The following PARD3B variants were observed in gnomAD, a reference collection of about 807,000 sequenced individuals.
The protein encoded by PARD3B is par-3 family cell polarity regulator beta, also known as partitioning defective 3 homolog B.
PARD3B carries 103 observed loss-of-function variants against 130.2 expected under a neutral mutation model. The observed-to-expected ratio is 0.79, with a 90% CI of 0.67 to 0.93. PARD3B has a LOEUF of 0.93. Among genes scored for constraint, PARD3B ranks in the 40% least tolerant of loss-of-function variants. The pLI is 0.00. For synonymous variants in PARD3B, 583 were observed against 553.2 expected, an observed-to-expected ratio of 1.05 and a Z score of -0.76; for missense variants, 1,609 against 1,499.2, an observed-to-expected ratio of 1.07 and a Z score of -1.21.
chr2:204,691,281 T>C (rs561557982), intron 2 of PARD3B, among the ~76,000 whole-genome samples: 1 of 152,226 alleles, frequency 6.6e-6, no homozygotes, highest in South Asian at 2.1e-4. Context: ...ACATCTATTA[T>C]ATAAAGTCAA....
chr2:204,980,214 C>T (rs1692545479), intron 3 of PARD3B, among the ~76,000 whole-genome samples: 1 of 152,146 alleles, frequency 6.6e-6, no homozygotes, highest in South Asian at 2.1e-4. Context: ...TAAAGGTGTT[C>T]AACTTCATCA....
intron 3 of PARD3B, among the ~76,000 whole-genome samples, chr2:204,969,941 G>A (rs922024945): frequency 3.9e-5 from 6 of 152,080 alleles, no homozygotes; most frequent in Non-Finnish European, 8.8e-5. Flanking sequence ...GTGTTTGTAT[G>A]TGTAGGAAAG....
chr2:205,367,841 T>C (rs2044665940), intron 18 of PARD3B, among the ~76,000 whole-genome samples: 1 of 152,238 alleles, frequency 6.6e-6, no homozygotes, highest in South Asian at 2.1e-4. Flanking sequence ...GTTAAGTTTC[T>C]GTGTTTGAGT....
chr2:204,806,072 C>T (rs951963056), intron 2 of PARD3B, among the ~76,000 whole-genome samples: 2 of 151,774 alleles, frequency 1.3e-5, no homozygotes, highest in Non-Finnish European at 2.9e-5. Context: ...CAAAGCAAAC[C>T]GCAGATGCAA....
intron 2 of PARD3B, among the ~76,000 whole-genome samples, chr2:204,818,009 A>G (rs1458937624): frequency 6.6e-6 from 1 of 152,100 alleles, no homozygotes; most frequent in African/African-American, 2.4e-5. Context: ...TTAAGGGAGA[A>G]ATTTATTTAT....
intron 22 of PARD3B, among the ~76,000 whole-genome samples, chr2:205,599,956 T>G (rs921736510): frequency 4.6e-5 from 7 of 152,196 alleles, no homozygotes; most frequent in Admixed American, 3.3e-4. Flanking sequence ...GAGAGTGTGA[T>G]GTCCTCAAAA....
In PARD3B at chr2:205,503,101, T is replaced by C. The variant is rs77112094; in HGVS notation, c.3180+3070T>C. 6.2e-3 allele frequency among the ~76,000 whole-genome samples: 940 copies of C among 150,818 alleles called. 12 individuals carry two copies. The highest frequency in any genetic ancestry group is 0.022 in the African/African-American group (895 of 41,250). On this transcript the variant is annotated intron_variant, in intron 21 of 22. Transcript: ENST00000406610. ...CCCTTCTCCTCTCCCCTGACTCCTA[T>C]TACATTTTAACAAATATTTGCTAAA...
intron 2 of PARD3B, among the ~76,000 whole-genome samples, chr2:204,918,063 A>G (rs1437654043): frequency 2.0e-5 from 3 of 152,320 alleles, no homozygotes; most frequent in South Asian, 4.1e-4. Flanking sequence ...TATTCTTATT[A>G]AGTTTTGATG....
rs547545603 is a variant in PARD3B, at chr2:205,268,734, G to T, written c.2185+22912G>T. ...GAAGTATAATTTTGAGGAATATAGT[G>T]CCAATTTGACAGAAGAGACTTCTCA... On this transcript the variant is annotated intron_variant, in intron 16 of 22. Transcript: ENST00000406610. This position sits in a 1 kb window ranked among gnomAD's most constrained non-coding sequence, Gnocchi z 4.1. Among the ~76,000 whole-genome samples, 2 of 152,212 alleles carry T rather than the reference G, an allele frequency of 1.3e-5. No individual in the cohort carries two copies. The highest frequency in any genetic ancestry group is 2.9e-5 in the Non-Finnish European group (2 of 68,002).
At chr2:204,668,823 A>C (rs1394133172) in intron 1 of PARD3B, among the ~76,000 whole-genome samples, 1 of 152,164 alleles carries the variant, frequency 6.6e-6, no homozygotes, top group African/African-American at 2.4e-5. Context: ...AAGATTGGTC[A>C]GTTTACTTTA....
chr2:204,810,453 G>A (rs188678940), intron 2 of PARD3B, among the ~76,000 whole-genome samples: 1 of 152,044 alleles, frequency 6.6e-6, no homozygotes, highest in Non-Finnish European at 1.5e-5. Flanking sequence ...TTTTTAACAT[G>A]TTTTTTAACA....
In PARD3B at chr2:205,121,258, A is replaced by G. The variant is rs984061130; in HGVS notation, c.807-333A>G. The stretch of plus-strand genomic sequence containing the variant: ...TAGATTTTCATCTTTAGAAACATGT[A>G]AAAGCTGTGGGTCATTGGATAAATT... On this transcript the variant is annotated intron_variant, in intron 7 of 22. Coordinates refer to ENST00000406610, the MANE Select transcript of PARD3B (RefSeq NM_001302769.2). This position sits in a 1 kb window ranked among gnomAD's most constrained non-coding sequence, Gnocchi z 5.0. 6.6e-6 allele frequency among the ~76,000 whole-genome samples: 1 copy of G among 152,226 alleles called. No homozygotes were observed. Among genetic ancestry groups the G allele is most frequent in the East Asian group, 1.9e-4 (1 of 5,206 alleles).
chr2:205,563,644 C>T lies in PARD3B; in HGVS notation c.3260+10241C>T, dbSNP rs954075599. Reference sequence around the variant, plus strand: ...AGAAAATAGAAAATGTCAAAACCTACGGGTTGTAAAAAAAAAAAGTAATAA... The same window carrying T: ...AGAAAATAGAAAATGTCAAAACCTATGGGTTGTAAAAAAAAAAAGTAATAA... On this transcript the variant is annotated intron_variant, in intron 22 of 22. Coordinates refer to ENST00000406610, the MANE Select transcript of PARD3B (RefSeq NM_001302769.2). This position sits in a 1 kb window ranked among gnomAD's most constrained non-coding sequence, Gnocchi z 4.2. Among the ~76,000 whole-genome samples, 1 of 104,654 alleles carries T rather than the reference C, an allele frequency of 9.6e-6. No homozygotes were observed. Among genetic ancestry groups the T allele is most frequent in the South Asian group, 3.8e-4 (1 of 2,640 alleles). 68.7% of individuals were successfully genotyped at this position (104,654 alleles called of 152,430 possible).
chr2:205,219,851 A>G (rs2038144230), intron 15 of PARD3B, among the ~76,000 whole-genome samples: 1 of 152,188 alleles, frequency 6.6e-6, no homozygotes, highest in East Asian at 1.9e-4. Flanking sequence ...ACCACAGGCA[A>G]AAGTGCCATG....
chr2:204,546,202 C>T (rs1559148037), intron 1 of PARD3B, 83 bp downstream of exon 1: 2 of 1,524,840 alleles, frequency 1.3e-6, no homozygotes, highest in Non-Finnish European at 1.8e-6. Context: ...TCAGGGGATG[C>T]AGAAAACCCA....
chr2:205,127,605 C>T (rs2031589416), intron 10 of PARD3B, among the ~76,000 whole-genome samples: 1 of 152,184 alleles, frequency 6.6e-6, no homozygotes, highest in African/African-American at 2.4e-5. Context: ...TTTCTTCAGA[C>T]AGTTTCCAAG....
intron 22 of PARD3B, among the ~76,000 whole-genome samples, chr2:205,556,969 A>C (rs2052916709): frequency 6.6e-6 from 1 of 152,034 alleles, no homozygotes; most frequent in African/African-American, 2.4e-5. Context: ...TCCCTTCAGC[A>C]CTGAACTCTC....
At chr2:205,456,085 C>T (rs2048264629) in intron 20 of PARD3B, among the ~76,000 whole-genome samples, 1 of 151,994 alleles carries the variant, frequency 6.6e-6, no homozygotes, top group Admixed American at 6.6e-5. Context: ...TTTTTCACAC[C>T]CTGGAGATCC....
At chr2:204,802,472 C>G (rs2042605738) in intron 2 of PARD3B, among the ~76,000 whole-genome samples, 1 of 151,960 alleles carries the variant, frequency 6.6e-6, no homozygotes, top group African/African-American at 2.4e-5. Context: ...ACCATTTGAC[C>G]CAGCAATCTC....
Sources: gnomAD v4.1 joint callset for allele counts (sites outside exome capture counted in the v4.1 genomes callset) on GRCh38, gnomAD v4.1.1 for gene constraint, Gnocchi (gnomAD v3.1) non-coding constraint, MANE v1.5 for transcripts, NCBI Gene and HGNC (gene_info 2026-07-23, HGNC 2026-07-21) for gene names.